Variants in MON1A observed in about 807,000 individuals in gnomAD.
The protein encoded by MON1A is MON1 vesicular trafficking associated A.
MON1A carries 29 observed loss-of-function variants against 44.6 expected under a neutral mutation model. The observed-to-expected ratio is 0.65, with a 90% CI of 0.48 to 0.89. The LOEUF is 0.89. Ranked by LOEUF, MON1A falls within the 40% of genes least tolerant of loss-of-function variation. MON1A has a pLI of 0.00. For synonymous variants in MON1A, 275 were observed against 316.4 expected, an observed-to-expected ratio of 0.87 and a Z score of 1.39; for missense variants, 615 against 759.6, an observed-to-expected ratio of 0.81 and a Z score of 2.24.
Position 49,910,998 on chromosome 3 carries a change from C to T in MON1A, c.614-114G>A. ...TCCTTTCCTCGCTCAGAGCTCTGCG[C>T]ACAGTAGGGGTTTAAGGATGTTCAG... On this transcript the variant is annotated intron_variant, in intron 3 of 5. Transcript: ENST00000296473. The surrounding 1 kb of genome is among the most constrained non-coding windows in gnomAD (Gnocchi z 8.0). 5.8e-6 allele frequency: 6 copies of T among 1,039,202 alleles called. No homozygotes were observed. Among genetic ancestry groups the T allele is most frequent in the South Asian group, 3.2e-5 (2 of 61,872 alleles). 64.4% of individuals were successfully genotyped at this position (1,039,202 alleles called of 1,614,324 possible).
chr3:49,925,982 A>C (rs1049579333), intron 1 of MON1A, among the ~76,000 whole-genome samples: 5 of 152,284 alleles, frequency 3.3e-5, no homozygotes, highest in Admixed American at 3.3e-4. Flanking sequence ...TTCTTACAGC[A>C]AAGTGATTCT....
intron 1 of MON1A, among the ~76,000 whole-genome samples, chr3:49,915,547 A>G (rs746473433): frequency 9.2e-5 from 14 of 152,222 alleles, no homozygotes; most frequent in Admixed American, 2.6e-4. Context: ...AAAACTAAAA[A>G]TAAATAAAAA....
intron 1 of MON1A, 34 bp downstream of exon 1, chr3:49,929,575 G>A (rs1213802839): frequency 6.4e-7 from 1 of 1,550,628 alleles, no homozygotes; most frequent in African/African-American, 1.4e-5. Context: ...GTCTCTAGGT[G>A]CCTCCAGGCC....
chr3:49,912,218 A>C (rs1311705194), intron 2 of MON1A, among the ~76,000 whole-genome samples: 1 of 152,130 alleles, frequency 6.6e-6, no homozygotes, highest in African/African-American at 2.4e-5. Context: ...AAGAAGACCC[A>C]AACCACTCAT....
At position 49,929,637 on chromosome 3, in the gene MON1A, A is replaced by C; in HGVS notation, c.-42T>G. On this transcript the variant is annotated 5_prime_UTR_variant, in exon 1 of 6. Coordinates refer to ENST00000296473, the MANE Select transcript of MON1A (RefSeq NM_032355.4). Reference sequence around the variant, plus strand: ...TTTCTCAGAGGAGTCCAGGACGCACAGAAGGTGCCGGTCACTGCCCTCTGC... The same window carrying C: ...TTTCTCAGAGGAGTCCAGGACGCACCGAAGGTGCCGGTCACTGCCCTCTGC... 1 of 1,551,578 alleles carries C rather than the reference A, an allele frequency of 6.4e-7. No homozygotes were observed. Among genetic ancestry groups the C allele is most frequent in the Non-Finnish European group, 8.7e-7 (1 of 1,146,944 alleles).
At chr3:49,919,801 C>G (rs1299211265) in intron 1 of MON1A, among the ~76,000 whole-genome samples, 1 of 152,124 alleles carries the variant, frequency 6.6e-6, no homozygotes, top group Non-Finnish European at 1.5e-5. Context: ...CTATTTTTTG[C>G]TCACATAAAA....
chr3:49,910,590 C>T lies in MON1A; in HGVS notation c.908G>A (p.Arg303His), dbSNP rs1017702226. The change falls in exon 4 of 6, where the codon CGC becomes CAC. Residue 303 changes from arginine (R) to histidine (H), a missense_variant. Arg to His is a conservative substitution (Grantham distance 29). Transcript: ENST00000296473. The surrounding 1 kb of genome is among the most constrained non-coding windows in gnomAD (Gnocchi z 8.0). ...ARCLPLAAAV[R>H]DTVSASLQQA... is the part of the protein sequence containing the mutation. ...CTGCAGGCTGGCGCTCACAGTGTCG[C>T]GCACGGCCGCCGCCAGGGGCAGGCA... 2 of 1,603,944 alleles carry T rather than the reference C, an allele frequency of 1.2e-6. No individual in the cohort carries two copies. The highest frequency in any genetic ancestry group is 2.3e-5 in the East Asian group (1 of 44,436).
intron 1 of MON1A, among the ~76,000 whole-genome samples, chr3:49,924,263 C>T (rs1437338450): frequency 6.6e-6 from 1 of 152,030 alleles, no homozygotes; most frequent in African/African-American, 2.4e-5. Flanking sequence ...TTTTAATATC[C>T]AGCTTGGTTG....
rs2082873571 is a variant in MON1A, at chr3:49,911,181, A to AGATAGAT, written c.614-298_614-297insATCTATC. ...CTGGGTGGAGCTCAGGACCTGGGAG[A>AGATAGAT]TAGATAGATTAGATAGATAGATAGA... On this transcript the variant is annotated intron_variant, in intron 3 of 5. Coordinates refer to ENST00000296473, the MANE Select transcript of MON1A (RefSeq NM_032355.4). The surrounding 1 kb of genome is among the most constrained non-coding windows in gnomAD (Gnocchi z 5.7). Among the ~76,000 whole-genome samples, 1 of 145,966 alleles carries AGATAGAT rather than the reference A, an allele frequency of 6.9e-6. No homozygotes were observed. Among genetic ancestry groups the AGATAGAT allele is most frequent in the Non-Finnish European group, 1.5e-5 (1 of 67,308 alleles).
In MON1A at chr3:49,910,421, G is replaced by A. The variant is rs371446520; in HGVS notation, c.1077C>T (p.Arg359=). Residue 359 remains arginine, a synonymous_variant, in exon 4 of 6, where the codon CGC becomes CGT. Transcript: ENST00000296473. The surrounding 1 kb of genome is among the most constrained non-coding windows in gnomAD (Gnocchi z 8.0). ...ACACGGGCGTCCAGGCCTCGCCCTC[G>A]CGAAAGGACGAGGAGGAACTAATGA... is the stretch of plus-strand genomic sequence containing the variant. The part of the protein sequence containing the change: ...FNLISSSSSF[R]EGEAWTPVCL... The A allele has an allele frequency of 3.7e-6, 6 of 1,614,118 alleles. No individual in the cohort carries two copies. The African/African-American group carries it at 6.7e-5, about 18-fold the overall frequency.
At chr3:49,914,092 T>TC (rs1463449579) in intron 1 of MON1A, among the ~76,000 whole-genome samples, 1 of 144,448 alleles carries the variant, frequency 6.9e-6, no homozygotes, top group African/African-American at 2.6e-5. Context: ...TTCTTCTTCT[T>TC]TTTTTTTTTT....
rs1377743369 is a variant in MON1A at position 49,910,522 on chromosome 3, G to T, written c.976C>A (p.Arg326Ser). ...RSLVFSILLA[R>S]NQLVALVRRK... ...CGCACGAGTGCCACGAGCTGGTTGC[G>T]GGCCAGCAGGATGGAGAAGACCAGG... Residue 326 changes from arginine to serine, a missense_variant, in exon 4 of 6, where the codon CGC becomes AGC. By Grantham distance (110) the Arg-to-Ser change is moderately radical. Transcript: ENST00000296473. This position sits in a 1 kb window ranked among gnomAD's most constrained non-coding sequence, Gnocchi z 8.0. 1.9e-6 allele frequency: 3 copies of T among 1,613,628 alleles called. No individual in the cohort carries two copies. The South Asian group carries it at 3.3e-5, about 18-fold the overall frequency.
chr3:49,926,482 A>T (rs974989171), intron 1 of MON1A, among the ~76,000 whole-genome samples: 2 of 152,210 alleles, frequency 1.3e-5, no homozygotes, highest in South Asian at 2.1e-4. Flanking sequence ...TTTGAGACAG[A>T]ATCTCACTCT....
chr3:49,910,839 A>T lies in MON1A; in HGVS notation c.659T>A (p.Val220Glu). The part of the protein sequence containing the change: ...VFVRRSPLVL[V>E]AVARTRQSAQ... ...CGACTGCCGCGTACGAGCCACCGCC[A>T]CTAGCACCAGCGGGCTCCGGCGCAC... The change falls in exon 4 of 6, where the codon GTG becomes GAG. Residue 220 changes from valine to glutamate, a missense_variant. By Grantham distance (121) the Val-to-Glu change is moderately radical. Coordinates refer to ENST00000296473, the MANE Select transcript of MON1A (RefSeq NM_032355.4). The surrounding 1 kb of genome is among the most constrained non-coding windows in gnomAD (Gnocchi z 8.0). 6.2e-7 allele frequency: 1 copy of T among 1,612,956 alleles called. No homozygotes were observed. Among genetic ancestry groups the T allele is most frequent in the Non-Finnish European group, 8.5e-7 (1 of 1,179,266 alleles).
At chr3:49,927,498 T>C (rs1458653611) in intron 1 of MON1A, among the ~76,000 whole-genome samples, 1 of 152,148 alleles carries the variant, frequency 6.6e-6, no homozygotes, top group Non-Finnish European at 1.5e-5. Flanking sequence ...GCCTCTGAGA[T>C]TTTGCTCAGC....
chr3:49,913,286 A>G lies in MON1A; in HGVS notation c.61T>C (p.Ser21Pro), dbSNP rs2082908904. 1.9e-6 allele frequency: 3 copies of G among 1,614,132 alleles called. No homozygotes were observed. The highest frequency in any genetic ancestry group is 2.5e-6 in the Non-Finnish European group (3 of 1,180,016). The change falls in exon 2 of 6, where the codon TCT becomes CCT. Residue 21 changes from serine (S) to proline (P), a missense_variant. Coordinates refer to ENST00000296473, the MANE Select transcript of MON1A (RefSeq NM_032355.4). ...GCTCTCTCCATACTCTGTCCATCAG[A>G]AGGAGTCAATGTGCCATCAAGGCAT... ...SECLDGTLTPSDGQSMERAES... is the reference protein window; with the variant it reads ...SECLDGTLTPPDGQSMERAES...
chr3:49,925,141 G>T (rs1575480973), intron 1 of MON1A, among the ~76,000 whole-genome samples: 1 of 152,190 alleles, frequency 6.6e-6, no homozygotes, highest in Non-Finnish European at 1.5e-5. Context: ...TTGAGACAGG[G>T]TCTCACTCTG....
In MON1A at chr3:49,909,827, T is replaced by C. The variant is rs1346960585; in HGVS notation, c.1379+292A>G. 2 of 382,712 alleles carry C rather than the reference T, an allele frequency of 5.2e-6. No individual in the cohort carries two copies. The highest frequency in any genetic ancestry group is 9.4e-6 in the Non-Finnish European group (2 of 213,336). The allele number at this position is 382,712 out of a possible 1,614,324, so 23.7% of individuals were successfully genotyped here. On this transcript the variant is annotated intron_variant, in intron 4 of 5. Coordinates refer to ENST00000296473, the MANE Select transcript of MON1A (RefSeq NM_032355.4). The surrounding 1 kb of genome is among the most constrained non-coding windows in gnomAD (Gnocchi z 4.0). ...TCCTGAGCTGGACCAAAATGACCCC[T>C]AAAGTAGAGTTGCTCCAGGGCAAGG...
chr3:49,911,939 G>T lies in MON1A; in HGVS notation c.200C>A (p.Ala67Glu). 1 of 1,613,368 alleles carries T rather than the reference G, an allele frequency of 6.2e-7. No individual in the cohort carries two copies. Among genetic ancestry groups the T allele is most frequent in the Non-Finnish European group, 8.5e-7 (1 of 1,179,714 alleles). The stretch of plus-strand genomic sequence containing the variant: ...CTCCTTGTGGCTGTCCCCAGAAGCT[G>T]CCCCATCCTCTGACTCAGTCAGGTC... The part of the protein sequence containing the change: ...YEDLTESEDG[A>E]ASGDSHKEGT... Residue 67 changes from alanine to glutamate, a missense_variant, in exon 3 of 6, where the codon GCA becomes GAA. By Grantham distance (107) the Ala-to-Glu change is moderately radical. Transcript: ENST00000296473. This position sits in a 1 kb window ranked among gnomAD's most constrained non-coding sequence, Gnocchi z 5.7.
Sources: allele counts gnomAD v4.1 joint callset (sites outside exome capture counted in the v4.1 genomes callset), GRCh38; gene constraint gnomAD v4.1.1; non-coding constraint Gnocchi (gnomAD v3.1); transcripts MANE v1.5; gene names NCBI Gene and HGNC (gene_info 2026-07-23, HGNC 2026-07-21).